The following FAM184B variants were observed in gnomAD, a reference collection of about 807,000 sequenced individuals.
FAM184B encodes protein FAM184B.
Under a neutral mutation model 135.9 loss-of-function variants are expected in FAM184B, and 111 were observed. That is an observed-to-expected ratio of 0.82 (90% CI 0.70 to 0.96). The LOEUF (loss-of-function observed/expected upper bound fraction) is 0.96. Ranked by LOEUF, FAM184B falls within the 40% of genes least tolerant of loss-of-function variation. The pLI is 0.00. For missense variants in FAM184B, 1,375 were observed against 1,323.9 expected (o/e 1.04, Z -0.60); for synonymous variants, 552 against 524.8 (o/e 1.05, Z -0.71).
At chr4:17,748,237 C>A (rs895239890) in intron 1 of FAM184B, among the ~76,000 whole-genome samples, 1 of 151,862 alleles carries the variant, frequency 6.6e-6, no homozygotes, top group African/African-American at 2.4e-5. Context: ...TCCACTCTTG[C>A]TCTCTGAGGT....
intron 1 of FAM184B, among the ~76,000 whole-genome samples, chr4:17,758,884 C>A (rs183524857): frequency 5.3e-5 from 8 of 151,488 alleles, no homozygotes; most frequent in South Asian, 4.2e-4. Context: ...AAAAAAAAAA[C>A]CAAGTAAGCT....
chr4:17,754,650 G>A (rs4279206), intron 1 of FAM184B, among the ~76,000 whole-genome samples: 111,554 of 151,578 alleles, frequency 0.74, 41,562 homozygotes, highest in Non-Finnish European at 0.79. Context: ...GAACCTAAAG[G>A]TCAAAGAACT....
chr4:17,773,249 TA>T (rs1718857655), intron 1 of FAM184B, among the ~76,000 whole-genome samples: 1 of 152,196 alleles, frequency 6.6e-6, no homozygotes, highest in South Asian at 2.1e-4. Flanking sequence ...GATGAGTAAG[TA>T]TGTCAAAGGC....
chr4:17,688,076 G>A (rs929797495), intron 7 of FAM184B, among the ~76,000 whole-genome samples: 2 of 152,142 alleles, frequency 1.3e-5, no homozygotes, highest in African/African-American at 4.8e-5. Flanking sequence ...CAAGAGAGGG[G>A]CTTTTATGAC....
At chr4:17,685,267 A>G (rs928205010) in intron 7 of FAM184B, among the ~76,000 whole-genome samples, 1 of 148,004 alleles carries the variant, frequency 6.8e-6, no homozygotes, top group Non-Finnish European at 1.5e-5. Flanking sequence ...AAGGCTGAGG[A>G]GGGCTGGGCA....
chr4:17,762,664 TG>T (rs1718572014), intron 1 of FAM184B, among the ~76,000 whole-genome samples: 1 of 152,228 alleles, frequency 6.6e-6, no homozygotes, highest in African/African-American at 2.4e-5. Flanking sequence ...CTCATGGAGT[TG>T]GATAGAGCGA....
intron 13 of FAM184B, 83 bp downstream of exon 13, chr4:17,641,973 T>A: frequency 7.2e-7 from 1 of 1,397,636 alleles, no homozygotes; most frequent in East Asian, 2.7e-5. Flanking sequence ...GGTCTCAGGC[T>A]CAGCCAGCCG....
At chr4:17,653,058 C>T (rs1006383024) in intron 10 of FAM184B, 75 bp from the exon 11 acceptor site, 2 of 1,405,552 alleles carry the variant, frequency 1.4e-6, no homozygotes, top group Non-Finnish European at 2.0e-6. Flanking sequence ...TTGCCAAGCT[C>T]TTCTGAGCCA....
Position 17,709,502 on chromosome 4 carries a change from TC to T in FAM184B, c.283del (p.Glu95LysfsTer20). 1 of 1,550,552 alleles carries T rather than the reference TC, an allele frequency of 6.4e-7. No individual in the cohort carries two copies. The highest frequency in any genetic ancestry group is 8.7e-7 in the Non-Finnish European group (1 of 1,146,590). ...LLQEQGCAEE[E>X]ALLQRIQALE... is the part of the protein sequence containing the mutation. The stretch of plus-strand genomic sequence containing the variant: ...GGCCTGGATGCGCTGTAGAAGGGCT[TC>T]CTCCTCTGCGCAGCCCTGTTCCTGC... On this transcript the variant is annotated frameshift_variant, in exon 2 of 18. Transcript: ENST00000265018. LOFTEE classifies it high-confidence loss of function.
intron 13 of FAM184B, among the ~76,000 whole-genome samples, chr4:17,640,583 A>G (rs77385386): frequency 4.4e-5 from 1 of 22,500 alleles, no homozygotes; most frequent in African/African-American, 1.2e-4. Flanking sequence ...CAAATATTAA[A>G]AAAAAGGAAT....
chr4:17,662,528 A>G (rs1204752055), intron 8 of FAM184B, among the ~76,000 whole-genome samples: 2 of 152,098 alleles, frequency 1.3e-5, no homozygotes, highest in South Asian at 2.1e-4. Context: ...AGTAGCGATG[A>G]AGTTTCACCA....
chr4:17,658,227 A>T, intron 10 of FAM184B, 123 bp downstream of exon 10: 1 of 930,738 alleles, frequency 1.1e-6, no homozygotes, highest in Non-Finnish European at 1.6e-6. Context: ...GGAATACAAT[A>T]ATAACAATCT....
intron 7 of FAM184B, among the ~76,000 whole-genome samples, chr4:17,666,469 C>CTTTTTTTTTTTTTTT (rs386399397): frequency 6.8e-4 from 39 of 57,146 alleles, no homozygotes; most frequent in East Asian, 1.3e-3. Context: ...GTGCCTGGTT[C>CTTTTTTTTTTTTTTT]TTTTTTTTTT....
intron 11 of FAM184B, among the ~76,000 whole-genome samples, chr4:17,652,129 CTTTT>C (rs1173327491): frequency 2.5e-5 from 2 of 81,446 alleles, no homozygotes; most frequent in Non-Finnish European, 5.3e-5. Flanking sequence ...TATTTAATAT[CTTTT>C]TTTTTTTTTT....
chr4:17,706,575 G>A (rs1717122347), intron 3 of FAM184B, among the ~76,000 whole-genome samples: 1 of 152,148 alleles, frequency 6.6e-6, no homozygotes, highest in Admixed American at 6.5e-5. Context: ...TGTATTTTTG[G>A]ATACAAGCAA....
intron 14 of FAM184B, among the ~76,000 whole-genome samples, chr4:17,638,399 C>T (rs1474199167): frequency 6.6e-6 from 1 of 151,506 alleles, no homozygotes; most frequent in South Asian, 2.1e-4. Flanking sequence ...CACAATGTTG[C>T]CCAGGCTGGT....
intron 1 of FAM184B, among the ~76,000 whole-genome samples, chr4:17,774,713 GGCC>G (rs1178048195): frequency 6.6e-6 from 1 of 152,090 alleles, no homozygotes. Flanking sequence ...GATGGGCCTG[GGCC>G]CTGTATGCTG....
At chr4:17,673,979 A>G (rs905490203) in intron 7 of FAM184B, among the ~76,000 whole-genome samples, 1 of 152,122 alleles carries the variant, frequency 6.6e-6, no homozygotes, top group Non-Finnish European at 1.5e-5. Context: ...CAGACAAACA[A>G]AAGTGGAGGG....
rs1428708307 is a variant in FAM184B at position 17,639,298 on chromosome 4, C to T, written c.2618G>A (p.Ser873Asn). 2 of 1,551,750 alleles carry T rather than the reference C, an allele frequency of 1.3e-6. No homozygotes were observed. Among genetic ancestry groups the T allele is most frequent in the East Asian group, 2.4e-5 (1 of 40,908 alleles). ...GGCCTGGAGCTGGGCCTGGGCACTA[C>T]TGAAATCTGCCACCATGGCCTGCAT... is the stretch of plus-strand genomic sequence containing the variant. ...KEMQAMVADF[S>N]SAQAQLQARL... Residue 873 changes from serine (S) to asparagine (N), a missense_variant, in exon 14 of 18, where the codon AGT (serine) becomes AAT (asparagine). Coordinates refer to ENST00000265018, the MANE Select transcript of FAM184B (RefSeq NM_015688.2).
Sources: gnomAD v4.1 joint callset for allele counts (sites outside exome capture counted in the v4.1 genomes callset) on GRCh38, gnomAD v4.1.1 for gene constraint, MANE v1.5 for transcripts, NCBI Gene and HGNC (gene_info 2026-07-23, HGNC 2026-07-21) for gene names.